Variants in EVI5 observed in about 807,000 individuals in gnomAD.
EVI5 encodes ecotropic viral integration site 5 protein homolog.
Under a neutral mutation model 112.0 loss-of-function variants are expected in EVI5, and 73 were observed. The ratio of observed to expected loss-of-function variants is 0.65; its 90% confidence interval spans 0.54 to 0.79. The LOEUF (loss-of-function observed/expected upper bound fraction) is 0.79. EVI5 is among the 30% of genes least tolerant of loss of function. The probability of loss-of-function intolerance (pLI) is 0.00; values close to 1 mark genes in which losing one functional copy is unlikely to be tolerated. For synonymous variants in EVI5, 305 were observed against 319.9 expected (o/e 0.95, Z 0.50); for missense variants, 900 against 968.8 (o/e 0.93, Z 0.94).
chr1:92,729,381 G>T (rs768719652), intron 2 of EVI5, among the ~76,000 whole-genome samples: 4 of 152,260 alleles, frequency 2.6e-5, no homozygotes, highest in Non-Finnish European at 4.4e-5. Flanking sequence ...CACACATAAG[G>T]GGGGACTACT....
At chr1:92,662,208 C>G (rs1291984230) in intron 13 of EVI5, among the ~76,000 whole-genome samples, 3 of 152,110 alleles carry the variant, frequency 2.0e-5, no homozygotes, top group Non-Finnish European at 4.4e-5. Context: ...ACACCTTAAC[C>G]CATAATTCAA....
In EVI5 at chr1:92,513,837, T is replaced by C; in HGVS notation, c.2300A>G (p.Gln767Arg). 2 of 1,613,896 alleles carry C rather than the reference T, an allele frequency of 1.2e-6. No homozygotes were observed. The highest frequency in any genetic ancestry group is 1.6e-4 in the Middle Eastern group (1 of 6,062). ...SDEDFIDNSL[Q>R]ETGVGFPLHG... Reference sequence around the variant, plus strand: ...CAAAGGAAAACCAACACCAGTTTCCTGTAAGGAATTATCTATAAAATCTTC... The same window carrying C: ...CAAAGGAAAACCAACACCAGTTTCCCGTAAGGAATTATCTATAAAATCTTC... The change falls in exon 20 of 20, where the codon CAG (glutamine) becomes CGG (arginine). Residue 767 changes from glutamine to arginine, a missense_variant. Gln to Arg is a conservative substitution (Grantham distance 43, BLOSUM62 1). Transcript: ENST00000684568.
chr1:92,788,178 A>G (rs1042946761), upstream of EVI5, among the ~76,000 whole-genome samples: 4 of 150,980 alleles, frequency 2.6e-5, no homozygotes, highest in Non-Finnish European at 6.0e-5. Flanking sequence ...TAAAAACTAT[A>G]AAAAATAGTG....
chr1:92,518,450 G>A (rs1175062689), intron 19 of EVI5, among the ~76,000 whole-genome samples: 1 of 152,020 alleles, frequency 6.6e-6, no homozygotes, highest in African/African-American at 2.4e-5. Flanking sequence ...TCCTATCTGA[G>A]GGAATCTGGG....
intron 19 of EVI5, among the ~76,000 whole-genome samples, chr1:92,535,866 A>G (rs1663805218): frequency 6.6e-6 from 1 of 151,990 alleles, no homozygotes; most frequent in Admixed American, 6.6e-5. Context: ...TATGTAACAA[A>G]CCTGCACGTT....
chr1:92,643,597 A>G (rs1409796357), intron 13 of EVI5, among the ~76,000 whole-genome samples: 1 of 152,156 alleles, frequency 6.6e-6, no homozygotes, highest in Non-Finnish European at 1.5e-5. Flanking sequence ...GAAAACTAAC[A>G]ATATTAGGTT....
chr1:92,532,349 C>T (rs1663012032), intron 19 of EVI5, among the ~76,000 whole-genome samples: 1 of 152,108 alleles, frequency 6.6e-6, no homozygotes, highest in Non-Finnish European at 1.5e-5. Context: ...GAATTTAACA[C>T]CCCACTGTCA....
chr1:92,516,271 AACC>A (rs1389083992), intron 19 of EVI5, among the ~76,000 whole-genome samples: 1 of 152,166 alleles, frequency 6.6e-6, no homozygotes, highest in Non-Finnish European at 1.5e-5. Flanking sequence ...ATGGCAGAAG[AACC>A]ACAACTTCCC....
At chr1:92,734,785 C>T (rs151298501) in intron 2 of EVI5, among the ~76,000 whole-genome samples, 117 of 152,156 alleles carry the variant, frequency 7.7e-4, no homozygotes, top group African/African-American at 2.7e-3. Context: ...ACTTTTACCC[C>T]AAACATATAA....
At chr1:92,595,675 T>C (rs1647592362) in intron 18 of EVI5, among the ~76,000 whole-genome samples, 1 of 152,172 alleles carries the variant, frequency 6.6e-6, no homozygotes, top group Admixed American at 6.5e-5. Flanking sequence ...ACTGGTATAC[T>C]GGGCCTCAAG....
intron 19 of EVI5, among the ~76,000 whole-genome samples, chr1:92,518,676 T>G: frequency 6.6e-6 from 1 of 150,592 alleles, no homozygotes; most frequent in African/African-American, 2.4e-5. Context: ...AAAGAGGTCT[T>G]AGACGTAAAT....
At chr1:92,614,756 T>C (rs1354597045) in intron 16 of EVI5, among the ~76,000 whole-genome samples, 1 of 148,058 alleles carries the variant, frequency 6.8e-6, no homozygotes, top group African/African-American at 2.6e-5. Context: ...TGTAAGTTAA[T>C]ACTTAATAAA....
intron 2 of EVI5, among the ~76,000 whole-genome samples, chr1:92,707,326 C>T (rs1342384574): frequency 6.6e-6 from 1 of 151,448 alleles, no homozygotes. Context: ...AAGAGCTGTG[C>T]TCCTCAAAAG....
intron 19 of EVI5, among the ~76,000 whole-genome samples, chr1:92,522,839 CT>C (rs996758999): frequency 5.4e-4 from 82 of 152,150 alleles, no homozygotes; most frequent in African/African-American, 1.9e-3. Context: ...CTCACCGCAT[CT>C]TTGAACTCCT....
At chr1:92,553,461 C>T (rs1342868210) in intron 19 of EVI5, among the ~76,000 whole-genome samples, 5 of 152,030 alleles carry the variant, frequency 3.3e-5, no homozygotes, top group African/African-American at 9.7e-5. Context: ...CACCACCACG[C>T]CCGGCTAATT....
intron 18 of EVI5, among the ~76,000 whole-genome samples, chr1:92,586,425 ATACTTTGGGTTATAATC>A (rs1161736869): frequency 1.3e-5 from 2 of 152,060 alleles, no homozygotes; most frequent in Non-Finnish European, 2.9e-5. Flanking sequence ...TATTTATTTT[ATACTTTGGGTTATAATC>A]TACTTTGGGT....
At chr1:92,748,788 C>T (rs1353720813) in intron 1 of EVI5, among the ~76,000 whole-genome samples, 1 of 152,098 alleles carries the variant, frequency 6.6e-6, no homozygotes, top group Admixed American at 6.6e-5. Context: ...ACATATTGGC[C>T]AGTCACGGTG....
At chr1:92,768,363 C>G (rs1254314514) in intron 1 of EVI5, among the ~76,000 whole-genome samples, 1 of 152,034 alleles carries the variant, frequency 6.6e-6, no homozygotes, top group African/African-American at 2.4e-5. Flanking sequence ...TTTTTTAAAT[C>G]TGATAATATT....
At chr1:92,629,991 T>C (rs1413834320) in intron 14 of EVI5, among the ~76,000 whole-genome samples, 4 of 152,136 alleles carry the variant, frequency 2.6e-5, no homozygotes, top group Non-Finnish European at 5.9e-5. Context: ...ACAAAGGATA[T>C]GGAACTCATC....
Sources: allele counts gnomAD v4.1 joint callset (sites outside exome capture counted in the v4.1 genomes callset), GRCh38; gene constraint gnomAD v4.1.1; transcripts MANE v1.5; gene names NCBI Gene and HGNC (gene_info 2026-07-23, HGNC 2026-07-21).